PLCXD1: variants seen among roughly 807,000 people sequenced by gnomAD.
PLCXD1 encodes the protein phosphatidylinositol specific phospholipase C X domain containing 1.
A neutral mutation model predicts 37.8 loss-of-function variants in PLCXD1; 45 were observed. That is an observed-to-expected ratio of 1.19 (90% CI 0.94 to 1.53). PLCXD1 has a LOEUF of 1.53. PLCXD1 is among the 40% of genes most tolerant of loss of function. The pLI, the probability that PLCXD1 is intolerant of heterozygous loss-of-function variation, is 0.00. For synonymous variants in PLCXD1, 246 were observed against 206.9 expected, an observed-to-expected ratio of 1.19 and a Z score of -1.62; for missense variants, 539 against 454.7, an observed-to-expected ratio of 1.19 and a Z score of -1.69.
In PLCXD1 at chrX:291,491, C is replaced by A. The variant is rs769484253; in HGVS notation, c.394-8C>A. ...GTGCAGGACTCAGCCCAGCACCCCC[C>A]TCCCCAGGACACACTCACGGAAATC... is the stretch of plus-strand genomic sequence containing the variant. On this transcript the variant is annotated splice_region_variant and splice_polypyrimidine_tract_variant and intron_variant, in intron 4 of 6. Coordinates refer to ENST00000381657, the MANE Select transcript of PLCXD1 (RefSeq NM_018390.4). The A allele has an allele frequency of 1.2e-6, 2 of 1,612,298 alleles. No individual in the cohort carries two copies. Among genetic ancestry groups the A allele is most frequent in the South Asian group, 2.2e-5 (2 of 91,000 alleles).
chrX:291,825 G>A (rs1458716278), intron 5 of PLCXD1, among the ~76,000 whole-genome samples, 171 bp downstream of exon 5: 4 of 152,156 alleles, frequency 2.6e-5, no homozygotes, highest in African/African-American at 7.2e-5. Context: ...TGGCTGACCC[G>A]GTGGGGTGGC....
At chrX:294,219 A>C (rs1031165008) in intron 6 of PLCXD1, among the ~76,000 whole-genome samples, 7 of 152,096 alleles carry the variant, frequency 4.6e-5, no homozygotes, top group African/African-American at 1.7e-4. Flanking sequence ...GCGGTGGCTC[A>C]CGCCTGTAAT....
chrX:300,453 CATGTGTAT>C lies in PLCXD1; in HGVS notation c.*1125_*1132del, dbSNP rs1156982850. The C allele has an allele frequency of 3.5e-5, 5 of 143,426 alleles. No homozygotes were observed. The highest frequency in any genetic ancestry group is 1.3e-4 in the African/African-American group (5 of 37,530). The allele number at this position is 143,426 out of a possible 1,614,324, so 8.9% of individuals were successfully genotyped here. A position where few individuals can be genotyped will look rare whatever the true frequency, so the allele number is the denominator to read the frequency against. ...GTGTATATATGTATGTATGTTTATA[CATGTGTAT>C]ATGTGTGTGTGTGTGTGTATATGTG... On this transcript the variant is annotated 3_prime_UTR_variant, in exon 7 of 7. Coordinates refer to ENST00000381657, the MANE Select transcript of PLCXD1 (RefSeq NM_018390.4).
At chrX:279,417 G>A (rs900351604), upstream of PLCXD1, among the ~76,000 whole-genome samples, 3 of 152,206 alleles carry the variant, frequency 2.0e-5, no homozygotes, top group Non-Finnish European at 4.4e-5. Context: ...CACTGGTGGT[G>A]AGGCGGGCTT....
Position 284,283 on chromosome X carries a change from G to T in PLCXD1, c.96G>T (p.Trp32Cys). The change falls in exon 2 of 7, where the codon TGG (tryptophan) becomes TGT (cysteine). Residue 32 changes from tryptophan to cysteine, a missense_variant. Trp to Cys is a radical substitution (Grantham distance 215). Transcript: ENST00000381657. Reference sequence around the variant, plus strand: ...TGTCGGCACTGTGTCCCCGGCTCTGGGATGTGCCCCTCCACCACCTCTCCA... The same window carrying T: ...TGTCGGCACTGTGTCCCCGGCTCTGTGATGTGCCCCTCCACCACCTCTCCA... Reference protein sequence around the residue: ...DWMSALCPRLWDVPLHHLSIP... With the variant: ...DWMSALCPRLCDVPLHHLSIP... 6.2e-7 allele frequency: 1 copy of T among 1,613,444 alleles called. No individual in the cohort carries two copies.
chrX:276,562 G>T (rs959486981), upstream of PLCXD1, among the ~76,000 whole-genome samples: 49 of 152,318 alleles, frequency 3.2e-4, no homozygotes, highest in African/African-American at 1.2e-3. Flanking sequence ...GGGGGTTCAG[G>T]GGGAGGGTCG....
intron 6 of PLCXD1, 82 bp from the exon 7 acceptor site, chrX:299,014 AC>A (rs1228224916): frequency 3.5e-5 from 36 of 1,028,124 alleles, no homozygotes; most frequent in Non-Finnish European, 5.1e-5. Flanking sequence ...TGAGATGCGA[AC>A]CTCTAATAAT....
At chrX:289,373 C>T (rs2069555123) in intron 3 of PLCXD1, among the ~76,000 whole-genome samples, 1 of 151,952 alleles carries the variant, frequency 6.6e-6, no homozygotes, top group African/African-American at 2.4e-5. Context: ...AGGCGTGAGC[C>T]ACCGCGCCCG....
rs1192422942 is a variant in PLCXD1, at chrX:293,190, G to A, written c.705G>A (p.Leu235=). 5.0e-6 allele frequency: 8 copies of A among 1,612,176 alleles called. No homozygotes were observed. The highest frequency in any genetic ancestry group is 1.7e-5 in the Admixed American group (1 of 59,960). The part of the protein sequence containing the change: ...RVKTEALIRY[L]ETMKSCGRPG... ...AGACCGAGGCCCTCATCCGATACCT[G>A]GAGACCATGAAGAGCTGCGGCCGCC... is the stretch of plus-strand genomic sequence containing the variant. Residue 235 remains leucine (L), a synonymous_variant, in exon 6 of 7, where the codon CTG becomes CTA. Coordinates refer to ENST00000381657, the MANE Select transcript of PLCXD1 (RefSeq NM_018390.4).
intron 1 of PLCXD1, among the ~76,000 whole-genome samples, chrX:281,939 G>A (rs1422931956): frequency 6.6e-6 from 1 of 151,952 alleles, no homozygotes; most frequent in Non-Finnish European, 1.5e-5. Context: ...GTAGAAATGG[G>A]GTTTCACCAT....
At chrX:291,744 C>A in intron 5 of PLCXD1, 90 bp downstream of exon 5, 1 of 1,373,446 alleles carries the variant, frequency 7.3e-7, no homozygotes, top group Non-Finnish European at 1.0e-6. Flanking sequence ...GGTGTGGGTG[C>A]TGCCATGATT....
In PLCXD1 at chrX:299,518, G is replaced by C; in HGVS notation, c.*183G>C. ...ACTTCGCCTGTCTTCCCAGCACTTT[G>C]GGAGGCCGAGGTGGGTGGATCATGA... On this transcript the variant is annotated 3_prime_UTR_variant, in exon 7 of 7. Coordinates refer to ENST00000381657, the MANE Select transcript of PLCXD1 (RefSeq NM_018390.4). The C allele has an allele frequency of 4.9e-6, 3 of 616,428 alleles. No homozygotes were observed. Among genetic ancestry groups the C allele is most frequent in the Admixed American group, 2.7e-5 (1 of 37,562 alleles). The allele number at this position is 616,428 out of a possible 1,614,324, so 38.2% of individuals were successfully genotyped here. A position where few individuals can be genotyped will look rare whatever the true frequency, so the allele number is the denominator to read the frequency against.
At chrX:296,483 G>A (rs756378828) in intron 6 of PLCXD1, among the ~76,000 whole-genome samples, 21 of 152,232 alleles carry the variant, frequency 1.4e-4, no homozygotes, top group South Asian at 8.3e-4. Flanking sequence ...TGCCTTTGCC[G>A]TCTCTGGCTG....
At chrX:286,309 C>G (rs1316346898) in intron 2 of PLCXD1, among the ~76,000 whole-genome samples, 1 of 152,124 alleles carries the variant, frequency 6.6e-6, no homozygotes, top group East Asian at 1.9e-4. Context: ...AGGCAATCCA[C>G]CTGCCTCGGC....
chrX:291,361 G>GT (rs2069627813), intron 4 of PLCXD1, 138 bp from the exon 5 acceptor site: 1 of 858,868 alleles, frequency 1.2e-6, no homozygotes, highest in African/African-American at 1.7e-5. Context: ...GGCTAGGCTG[G>GT]TCTCAAACTC....
intron 2 of PLCXD1, among the ~76,000 whole-genome samples, chrX:285,173 C>T (rs996114790): frequency 9.9e-5 from 15 of 151,944 alleles, no homozygotes; most frequent in Non-Finnish European, 1.5e-5. Context: ...CACATATGCA[C>T]ATGGATGCAT....
upstream of PLCXD1, among the ~76,000 whole-genome samples, chrX:276,745 C>T (rs28677870): frequency 0.01 from 1,535 of 152,292 alleles, 8 homozygotes; most frequent in Middle Eastern, 0.024. Context: ...CTCACCCTGC[C>T]GCCGGGGCCT....
Position 299,154 on chromosome X carries a change from A to G in PLCXD1, c.791A>G (p.His264Arg). 6.2e-7 allele frequency: 1 copy of G among 1,613,750 alleles called. No individual in the cohort carries two copies. The highest frequency in any genetic ancestry group is 2.2e-5 in the East Asian group (1 of 44,860). ...GAGAACCTGCAGTACGTTCTGGCGC[A>G]CCCGTCCGAGTCCCTGGAGAAGATG... The part of the protein sequence containing the change: ...LTENLQYVLA[H>R]PSESLEKMTL... The change falls in exon 7 of 7, where the codon CAC (histidine) becomes CGC (arginine). Residue 264 changes from histidine (H) to arginine (R), a missense_variant. Physicochemically the swap from His to Arg is conservative, Grantham distance 29. Transcript: ENST00000381657.
chrX:293,307 T>C (rs1033556923), intron 6 of PLCXD1, 89 bp downstream of exon 6: 52 of 973,410 alleles, frequency 5.3e-5, no homozygotes, highest in Middle Eastern at 3.4e-4. Flanking sequence ...TTGCCTTCAC[T>C]TTTACGTGAA....
Sources: allele counts gnomAD v4.1 joint callset (sites outside exome capture counted in the v4.1 genomes callset), GRCh38; gene constraint gnomAD v4.1.1; transcripts MANE v1.5; gene names NCBI Gene and HGNC (gene_info 2026-07-23, HGNC 2026-07-21).